The following MAEA variants were observed in gnomAD, a reference collection of about 807,000 sequenced individuals.
MAEA encodes the protein macrophage erythroblast attacher, E3 ubiquitin ligase.
A neutral mutation model predicts 46.2 loss-of-function variants in MAEA; 22 were observed. The observed-to-expected ratio is 0.48, with a 90% CI of 0.34 to 0.68. The LOEUF (loss-of-function observed/expected upper bound fraction) is 0.68, where lower values mean the gene tolerates loss of function less well. Among genes scored for constraint, MAEA ranks in the 30% least tolerant of loss-of-function variants. The pLI, the probability that MAEA is intolerant of heterozygous loss-of-function variation, is 0.01. For missense variants in MAEA, 393 were observed against 558.1 expected (o/e 0.70, Z 2.98); for synonymous variants, 246 against 222.6 (o/e 1.11, Z -0.94).
chr4:1,337,093 C>T lies in MAEA; in HGVS notation c.899+99C>T, dbSNP rs886989404. On this transcript the variant is annotated intron_variant, in intron 7 of 8. Transcript: ENST00000303400. Reference sequence around the variant, plus strand: ...CTGCACCTTGCCACTCTTGTCCTCCCACCACAGACAGCCCCGAGCTCCCGT... The same window carrying T: ...CTGCACCTTGCCACTCTTGTCCTCCTACCACAGACAGCCCCGAGCTCCCGT... 9.1e-5 allele frequency: 129 copies of T among 1,425,128 alleles called. No individual in the cohort carries two copies. In the East Asian group the frequency reaches 2.9e-3, roughly 33 times the overall value. 88.3% of individuals were successfully genotyped at this position (1,425,128 alleles called of 1,614,324 possible). A position where few individuals can be genotyped will look rare whatever the true frequency, so the allele number is the denominator to read the frequency against.
intron 2 of MAEA, among the ~76,000 whole-genome samples, chr4:1,313,172 G>T (rs1371052792): frequency 6.6e-6 from 1 of 152,248 alleles, no homozygotes; most frequent in African/African-American, 2.4e-5. Flanking sequence ...ACTCCGGTGA[G>T]GTGGTCCCGG....
intron 1 of MAEA, among the ~76,000 whole-genome samples, chr4:1,304,138 G>A (rs1577148003): frequency 1.3e-5 from 2 of 152,272 alleles, no homozygotes; most frequent in African/African-American, 4.8e-5. Context: ...CACCTCACCA[G>A]TGTGTTTTCT....
At position 1,315,486 on chromosome 4, in the gene MAEA, C is replaced by CGCG. The variant is rs771056906; in HGVS notation, c.348_350dup (p.Ala117dup). 6.2e-7 allele frequency: 1 copy of CGCG among 1,613,902 alleles called. No homozygotes were observed. The highest frequency in any genetic ancestry group is 1.1e-5 in the South Asian group (1 of 91,080). The stretch of plus-strand genomic sequence containing the variant: ...TCAAAGAGCATAGCAGCGACCAGCC[C>CGCG]GCGGCGGCCAGCGTGTGGAAGAGGA... On this transcript the variant is annotated inframe_insertion, in exon 3 of 9. Coordinates refer to ENST00000303400, the MANE Select transcript of MAEA (RefSeq NM_001017405.3).
intron 3 of MAEA, among the ~76,000 whole-genome samples, chr4:1,321,976 AC>A (rs1738185399): frequency 6.7e-6 from 1 of 148,788 alleles, no homozygotes; most frequent in African/African-American, 2.5e-5. Context: ...TTATTTGCTT[AC>A]TGTTGATTTT....
intron 2 of MAEA, among the ~76,000 whole-genome samples, chr4:1,314,997 C>G (rs1395520335): frequency 2.0e-5 from 3 of 152,216 alleles, no homozygotes; most frequent in African/African-American, 7.2e-5. Flanking sequence ...ACGTTTCTAT[C>G]TAGCCCGATT....
At position 1,306,472 on chromosome 4, in the gene MAEA, G is replaced by A. The variant is rs189532191; in HGVS notation, c.70-5507G>A. Among the ~76,000 whole-genome samples the A allele has an allele frequency of 3.9e-3, 595 of 152,220 alleles. 6 individuals carry two copies. Among genetic ancestry groups the A allele is most frequent in the African/African-American group, 0.014 (569 of 41,520 alleles). ...GGAGGTTGCAGTGAGCCGAGATCACGCTATTGCACTCCAGCCTGGGTGATG... is the reference window on the plus strand; with the variant it reads ...GGAGGTTGCAGTGAGCCGAGATCACACTATTGCACTCCAGCCTGGGTGATG... On this transcript the variant is annotated intron_variant, in intron 1 of 8. Transcript: ENST00000303400.
chr4:1,292,954 C>T (rs1205330025), intron 1 of MAEA, among the ~76,000 whole-genome samples: 5 of 145,810 alleles, frequency 3.4e-5, no homozygotes, highest in African/African-American at 7.6e-5. Flanking sequence ...AGCGCGGTGG[C>T]ACAATCTCAG....
chr4:1,305,053 T>C (rs1291911873), intron 1 of MAEA, among the ~76,000 whole-genome samples: 2 of 152,260 alleles, frequency 1.3e-5, no homozygotes, highest in African/African-American at 2.4e-5. Context: ...TTTATGATGA[T>C]TATTAATACC....
At chr4:1,295,804 G>A (rs1158933912) in intron 1 of MAEA, among the ~76,000 whole-genome samples, 1 of 29,706 alleles carries the variant, frequency 3.4e-5, no homozygotes, top group Non-Finnish European at 5.6e-5. Context: ...CCTCCCCAGC[G>A]CCTGTGCCCC....
intron 1 of MAEA, among the ~76,000 whole-genome samples, chr4:1,295,470 C>G (rs536158359): frequency 6.6e-6 from 1 of 151,926 alleles, no homozygotes; most frequent in African/African-American, 2.4e-5. Flanking sequence ...CTGCCCCACT[C>G]GAGGGAGGGG....
chr4:1,303,782 G>T (rs550339924), intron 1 of MAEA, among the ~76,000 whole-genome samples: 4 of 152,054 alleles, frequency 2.6e-5, no homozygotes, highest in East Asian at 1.9e-4. Context: ...CCTGTGAATT[G>T]TATCAGTAAA....
chr4:1,312,095 C>T lies in MAEA; in HGVS notation c.186C>T (p.Pro62=), dbSNP rs761042329. Residue 62 remains proline, a synonymous_variant, in exon 2 of 9, where the codon CCC becomes CCT. Transcript: ENST00000303400. The part of the protein sequence containing the change: ...AELEKTLSGC[P]AVDSVVSLLD... Reference sequence around the variant, plus strand: ...TGGAGAAGACGTTGAGCGGCTGCCCCGCCGTGGACTCCGTGGTCAGCCTGC... The same window carrying T: ...TGGAGAAGACGTTGAGCGGCTGCCCTGCCGTGGACTCCGTGGTCAGCCTGC... 1.2e-4 allele frequency: 197 copies of T among 1,613,702 alleles called. No homozygotes were observed. Among genetic ancestry groups the T allele is most frequent in the Non-Finnish European group, 1.5e-4 (180 of 1,180,058 alleles).
intron 1 of MAEA, among the ~76,000 whole-genome samples, chr4:1,294,704 G>A (rs1166538627): frequency 6.6e-6 from 1 of 151,740 alleles, no homozygotes; most frequent in African/African-American, 2.4e-5. Flanking sequence ...ACGCTCCGGT[G>A]GGAGGGAGGC....
chr4:1,297,458 C>CTGTGTGTGTGTGTGTGTGTGTGTGT (rs1734853017), intron 1 of MAEA, among the ~76,000 whole-genome samples: 2 of 150,982 alleles, frequency 1.3e-5, no homozygotes, highest in African/African-American at 4.9e-5. Flanking sequence ...AAAGTACGTG[C>CTGTGTGTGTGTGTGTGTGTGTGTGT]GTATGTGTGT....
intron 5 of MAEA, chr4:1,329,414 G>A: frequency 1.0e-6 from 1 of 985,506 alleles, no homozygotes; most frequent in South Asian, 4.7e-5. Flanking sequence ...CGAGCTCAGA[G>A]CTGTGCCCTC....
intron 4 of MAEA, among the ~76,000 whole-genome samples, chr4:1,324,771 T>C (rs1405127574): frequency 5.6e-5 from 8 of 142,150 alleles, no homozygotes; most frequent in Admixed American, 1.4e-4. Flanking sequence ...GATGAGTGTG[T>C]CTGGTGTTGG....
At chr4:1,329,768 C>G (rs1739305703) in intron 5 of MAEA, 1 of 985,436 alleles carries the variant, frequency 1.0e-6, no homozygotes, top group Non-Finnish European at 1.2e-6. Flanking sequence ...GGCTGGGAGC[C>G]CAGAGGGTGT....
Position 1,289,925 on chromosome 4 carries a change from G to C in MAEA, c.12G>C (p.Gln4His), listed in dbSNP as rs1371210764. 1.2e-6 allele frequency: 2 copies of C among 1,600,512 alleles called. No individual in the cohort carries two copies. Among genetic ancestry groups the C allele is most frequent in the Admixed American group, 1.7e-5 (1 of 59,298 alleles). Reference sequence around the variant, plus strand: ...TTGGCCGCTTCAAGATGGCGGTGCAGGAGTCGGCGGCTCAGTTGTCCATGA... The same window carrying C: ...TTGGCCGCTTCAAGATGGCGGTGCACGAGTCGGCGGCTCAGTTGTCCATGA... MAVQESAAQLSMTL... is the reference protein window; with the variant it reads MAVHESAAQLSMTL... The change falls in exon 1 of 9, where the codon CAG becomes CAC. Residue 4 changes from glutamine to histidine, a missense_variant. Around this residue, in one of 2 missense-constraint regions of MAEA, gnomAD observed 35 missense variants for 20.1 expected, o/e 1.74. Coordinates refer to ENST00000303400, the MANE Select transcript of MAEA (RefSeq NM_001017405.3).
At chr4:1,305,091 G>C (rs1735703985) in intron 1 of MAEA, among the ~76,000 whole-genome samples, 1 of 151,916 alleles carries the variant, frequency 6.6e-6, no homozygotes, top group Non-Finnish European at 1.5e-5. Context: ...ATCTTATTTT[G>C]CTTTCTATTT....
Sources: gnomAD v4.1 joint callset for allele counts (sites outside exome capture counted in the v4.1 genomes callset) on GRCh38, gnomAD v4.1.1 for gene constraint, gnomAD v4.1.1 regional missense constraint, MANE v1.5 for transcripts, NCBI Gene and HGNC (gene_info 2026-07-23, HGNC 2026-07-21) for gene names.